Variants in PDSS2 observed in about 807,000 individuals in gnomAD.
The protein encoded by PDSS2 is decaprenyl diphosphate synthase subunit 2.
PDSS2 carries 31 observed loss-of-function variants against 44.5 expected under a neutral mutation model. That is an observed-to-expected ratio of 0.70 (90% confidence interval 0.52 to 0.94). The LOEUF (loss-of-function observed/expected upper bound fraction) is 0.94. Ranked by LOEUF, PDSS2 falls within the 40% of genes least tolerant of loss-of-function variation. The pLI is 0.00. For synonymous variants in PDSS2, 157 were observed against 180.3 expected (o/e 0.87, Z 1.03); for missense variants, 452 against 482.2 (o/e 0.94, Z 0.59).
At chr6:107,390,949 T>A (rs2114524674) in intron 1 of PDSS2, among the ~76,000 whole-genome samples, 1 of 152,112 alleles carries the variant, frequency 6.6e-6, no homozygotes, top group South Asian at 2.1e-4. Flanking sequence ...TCTAACTGGA[T>A]TCTATCATAG....
intron 1 of PDSS2, among the ~76,000 whole-genome samples, chr6:107,410,985 A>C (rs1488560905): frequency 6.6e-6 from 1 of 151,814 alleles, no homozygotes; most frequent in Non-Finnish European, 1.5e-5. Context: ...CCTGGGTTTA[A>C]GAAATTCTCC....
chr6:107,240,984 G>A (rs1485206972), intron 4 of PDSS2, among the ~76,000 whole-genome samples: 2 of 152,038 alleles, frequency 1.3e-5, no homozygotes, highest in African/African-American at 2.4e-5. Flanking sequence ...AGTACAGTAA[G>A]TATGAGTAAG....
Position 107,162,784 on chromosome 6 carries a change from T to C in PDSS2, c.1042-8007A>G, listed in dbSNP as rs117580712. 9.8e-3 allele frequency among the ~76,000 whole-genome samples: 1,482 copies of C among 151,802 alleles called. 9 individuals carry two copies. The highest frequency in any genetic ancestry group is 0.014 in the Non-Finnish European group (945 of 67,942). ...CACACCCGACTAATTTATGTATTTT[T>C]AGTAGAGTTGGGGTTTCACCAGATT... is the stretch of plus-strand genomic sequence containing the variant. On this transcript the variant is annotated intron_variant, in intron 7 of 7. Coordinates refer to ENST00000369037, the MANE Select transcript of PDSS2 (RefSeq NM_020381.4).
At chr6:107,304,301 G>C (rs1776788147) in intron 2 of PDSS2, among the ~76,000 whole-genome samples, 1 of 152,242 alleles carries the variant, frequency 6.6e-6, no homozygotes, top group African/African-American at 2.4e-5. Flanking sequence ...GGAGTTGCCA[G>C]AGGCAATGCT....
At chr6:107,276,505 C>T (rs1327358189) in intron 2 of PDSS2, among the ~76,000 whole-genome samples, 1 of 152,130 alleles carries the variant, frequency 6.6e-6, no homozygotes, top group Non-Finnish European at 1.5e-5. Flanking sequence ...CATATCGAGA[C>T]CTAACAGAAA....
chr6:107,238,040 A>G (rs1363424565), intron 4 of PDSS2, among the ~76,000 whole-genome samples: 5 of 152,198 alleles, frequency 3.3e-5, no homozygotes, highest in African/African-American at 4.8e-5. Flanking sequence ...TGAAAAAAAT[A>G]GATGGGATCT....
intron 3 of PDSS2, among the ~76,000 whole-genome samples, 185 bp from the exon 4 acceptor site, chr6:107,245,804 T>C (rs1000089999): frequency 6.6e-6 from 1 of 152,162 alleles, no homozygotes; most frequent in Non-Finnish European, 1.5e-5. Flanking sequence ...GTGATCCAAA[T>C]TTTTTCAGTC....
intron 2 of PDSS2, among the ~76,000 whole-genome samples, 169 bp downstream of exon 2, chr6:107,334,029 T>C (rs1777795077): frequency 2.0e-5 from 3 of 152,010 alleles, no homozygotes; most frequent in Non-Finnish European, 4.4e-5. Flanking sequence ...ATGTGTAGAG[T>C]TGGCCAAGAC....
chr6:107,232,458 A>C (rs1256897386), intron 4 of PDSS2, among the ~76,000 whole-genome samples: 1 of 152,086 alleles, frequency 6.6e-6, no homozygotes, highest in Non-Finnish European at 1.5e-5. Context: ...TTTTCCCCCC[A>C]ACATAGTTAG....
chr6:107,265,433 T>C (rs1775381960), intron 3 of PDSS2, among the ~76,000 whole-genome samples: 1 of 152,170 alleles, frequency 6.6e-6, no homozygotes, highest in African/African-American at 2.4e-5. Context: ...CCAACTTTAA[T>C]TACCAATATA....
chr6:107,388,749 T>A (rs933766601), intron 1 of PDSS2, among the ~76,000 whole-genome samples: 2 of 152,178 alleles, frequency 1.3e-5, no homozygotes, highest in African/African-American at 4.8e-5. Flanking sequence ...TGAGCCACCG[T>A]GCTCGGCCAT....
chr6:107,243,149 G>A (rs1432103155), intron 4 of PDSS2, among the ~76,000 whole-genome samples: 1 of 152,172 alleles, frequency 6.6e-6, no homozygotes, highest in Non-Finnish European at 1.5e-5. Flanking sequence ...GCATGGGACT[G>A]AGAGTCAAGA....
chr6:107,444,346 T>C (rs1781602391), intron 1 of PDSS2, among the ~76,000 whole-genome samples: 1 of 152,178 alleles, frequency 6.6e-6, no homozygotes, highest in African/African-American at 2.4e-5. Flanking sequence ...GTTCTATTAC[T>C]ATCCTTGATT....
intron 4 of PDSS2, among the ~76,000 whole-genome samples, chr6:107,244,496 T>A (rs1411790018): frequency 6.6e-6 from 1 of 152,184 alleles, no homozygotes; most frequent in Non-Finnish European, 1.5e-5. Flanking sequence ...ACTGTGGTCA[T>A]CCATCCTGTG....
chr6:107,254,096 C>T (rs552616882), intron 3 of PDSS2, among the ~76,000 whole-genome samples: 6 of 146,882 alleles, frequency 4.1e-5, no homozygotes, highest in African/African-American at 7.6e-5. Context: ...TGCAGTGGGA[C>T]GATCTCGGCT....
intron 1 of PDSS2, among the ~76,000 whole-genome samples, chr6:107,374,026 CG>C (rs1779205924): frequency 6.6e-6 from 1 of 151,940 alleles, no homozygotes. Context: ...GGCCGAGGCA[CG>C]GCAGATTACT....
intron 2 of PDSS2, among the ~76,000 whole-genome samples, chr6:107,294,619 C>T (rs752327427): frequency 5.9e-5 from 9 of 152,064 alleles, no homozygotes; most frequent in Non-Finnish European, 1.0e-4. Context: ...TAATGCGTAA[C>T]TCATAACATA....
chr6:107,457,803 A>G (rs1782093152), intron 1 of PDSS2, among the ~76,000 whole-genome samples: 1 of 152,240 alleles, frequency 6.6e-6, no homozygotes, highest in Non-Finnish European at 1.5e-5. Flanking sequence ...AATTAACAAA[A>G]TTGAAATTAA....
intron 2 of PDSS2, among the ~76,000 whole-genome samples, chr6:107,313,180 G>T (rs1777097003): frequency 6.6e-6 from 1 of 152,094 alleles, no homozygotes; most frequent in Non-Finnish European, 1.5e-5. Context: ...ATCCTATGCT[G>T]AGAATTTAAT....
Sources: allele counts gnomAD v4.1 joint callset (sites outside exome capture counted in the v4.1 genomes callset), GRCh38; gene constraint gnomAD v4.1.1; transcripts MANE v1.5; gene names NCBI Gene and HGNC (gene_info 2026-07-23, HGNC 2026-07-21).